The following SPEF2 variants were observed in gnomAD, a reference collection of about 807,000 sequenced individuals.
SPEF2 encodes sperm flagellar and cilia associated 2.
SPEF2 carries 187 observed loss-of-function variants against 224.6 expected under a neutral mutation model. The observed-to-expected ratio is 0.83, with a 90% CI of 0.74 to 0.94. The LOEUF (loss-of-function observed/expected upper bound fraction) is 0.94, where lower values mean the gene tolerates loss of function less well. SPEF2 is among the 40% of genes least tolerant of loss of function. The pLI is 0.00. For synonymous variants in SPEF2, 715 were observed against 707.3 expected, an observed-to-expected ratio of 1.01 and a Z score of -0.17; for missense variants, 2,170 against 2,135.6, an observed-to-expected ratio of 1.02 and a Z score of -0.32.
intron 10 of SPEF2, among the ~76,000 whole-genome samples, chr5:35,689,323 C>T (rs2149527216): frequency 6.6e-6 from 1 of 152,176 alleles, no homozygotes; most frequent in East Asian, 1.9e-4. Context: ...CCGCTTCCTG[C>T]TTTTATTAAA....
chr5:35,696,062 T>A (rs1225356237), intron 14 of SPEF2, among the ~76,000 whole-genome samples: 1 of 152,258 alleles, frequency 6.6e-6, no homozygotes, highest in Non-Finnish European at 1.5e-5. Context: ...GAGACCAAAT[T>A]CATTTCATCT....
chr5:35,770,712 C>T (rs770810890), intron 26 of SPEF2, among the ~76,000 whole-genome samples: 13 of 152,162 alleles, frequency 8.5e-5, no homozygotes, highest in Non-Finnish European at 1.6e-4. Flanking sequence ...AGTGCAGAGC[C>T]AGCCACAGAG....
intron 36 of SPEF2, among the ~76,000 whole-genome samples, chr5:35,809,956 T>C (rs147523921): frequency 1.4e-3 from 220 of 152,286 alleles, no homozygotes; most frequent in African/African-American, 5.1e-3. Flanking sequence ...TTTATATTGC[T>C]GATTACAAGT....
chr5:35,727,910 G>A, intron 21 of SPEF2, 87 bp downstream of exon 21: 14 of 1,413,272 alleles, frequency 9.9e-6, no homozygotes, highest in Non-Finnish European at 1.3e-5. Flanking sequence ...ACATCCTGAA[G>A]GCCTTTTACA....
At chr5:35,771,907 G>A in intron 27 of SPEF2, 151 bp downstream of exon 27, 2 of 1,002,862 alleles carry the variant, frequency 2.0e-6, no homozygotes, top group Non-Finnish European at 2.8e-6. Context: ...ATGATTTGTG[G>A]TGTTAGTGGC....
At chr5:35,625,987 T>C (rs1744183529) in intron 1 of SPEF2, among the ~76,000 whole-genome samples, 2 of 152,192 alleles carry the variant, frequency 1.3e-5, no homozygotes, top group Non-Finnish European at 2.9e-5. Context: ...AATCTTCATT[T>C]TAGTAGCATC....
intron 17 of SPEF2, 79 bp downstream of exon 17, chr5:35,704,741 C>T: frequency 1.2e-6 from 1 of 828,332 alleles, no homozygotes; most frequent in Non-Finnish European, 2.0e-6. Context: ...ATCATCAGAT[C>T]TAGAAGAATA....
intron 23 of SPEF2, among the ~76,000 whole-genome samples, chr5:35,750,794 T>A (rs1456018401): frequency 6.6e-6 from 1 of 151,658 alleles, no homozygotes; most frequent in Non-Finnish European, 1.5e-5. Flanking sequence ...TGGAGATTCC[T>A]TTAAGAACTA....
intron 36 of SPEF2, among the ~76,000 whole-genome samples, chr5:35,808,656 A>G (rs928073337): frequency 6.6e-6 from 1 of 151,380 alleles, no homozygotes; most frequent in Non-Finnish European, 1.5e-5. Context: ...TATATCATAG[A>G]TGGACATTTG....
At chr5:35,697,921 T>C in intron 15 of SPEF2, 128 bp downstream of exon 15, 1 of 611,236 alleles carries the variant, frequency 1.6e-6, no homozygotes, top group Non-Finnish European at 2.7e-6. Context: ...TATGAAAATA[T>C]ACAGCAATGA....
At chr5:35,757,080 TAAA>T (rs1312905920) in intron 24 of SPEF2, among the ~76,000 whole-genome samples, 1 of 152,070 alleles carries the variant, frequency 6.6e-6, no homozygotes, top group Non-Finnish European at 1.5e-5. Flanking sequence ...TAATAACTAT[TAAA>T]AATATTGTTT....
At position 35,644,402 on chromosome 5, in the gene SPEF2, G is replaced by A; in HGVS notation, c.462G>A (p.Arg154=). The change falls in exon 4 of 37, where the codon CGG becomes CGA. Residue 154 remains arginine (R), a synonymous_variant. Coordinates refer to ENST00000356031, the MANE Select transcript of SPEF2 (RefSeq NM_024867.4). ...GTCAAACTGATTTCAATCTGATGCG[G>A]ATTACATACAGGTTTCAAGAAAAAT... ...IPRQTDFNLM[R]ITYRFQEKYK... The A allele has an allele frequency of 1.2e-6, 2 of 1,607,786 alleles. No homozygotes were observed. The highest frequency in any genetic ancestry group is 1.7e-6 in the Non-Finnish European group (2 of 1,176,976).
intron 10 of SPEF2, among the ~76,000 whole-genome samples, chr5:35,673,035 G>A (rs1751402436): frequency 6.6e-6 from 1 of 152,100 alleles, no homozygotes; most frequent in Non-Finnish European, 1.5e-5. Context: ...GAATGTGAGG[G>A]AGCTCTACCC....
At chr5:35,704,707 A>G in intron 17 of SPEF2, 45 bp downstream of exon 17, 1 of 1,127,874 alleles carries the variant, frequency 8.9e-7, no homozygotes, top group Non-Finnish European at 1.3e-6. Context: ...CATGCTTTTT[A>G]AATAGATTGA....
intron 23 of SPEF2, among the ~76,000 whole-genome samples, chr5:35,748,618 A>G (rs1053936527): frequency 6.6e-6 from 1 of 152,194 alleles, no homozygotes; most frequent in African/African-American, 2.4e-5. Flanking sequence ...CCTAGCTTAA[A>G]TCAAGAAGAA....
At chr5:35,713,918 TATATATA>T (rs1214880431) in intron 20 of SPEF2, among the ~76,000 whole-genome samples, 1 of 107,552 alleles carries the variant, frequency 9.3e-6, no homozygotes, top group African/African-American at 3.7e-5. Flanking sequence ...TTATATATTT[TATATATA>T]GTATATATGT....
chr5:35,659,048 C>A lies in SPEF2; in HGVS notation c.1008C>A (p.Asn336Lys). 6.3e-7 allele frequency: 1 copy of A among 1,581,568 alleles called. No homozygotes were observed. Among genetic ancestry groups the A allele is most frequent in the Non-Finnish European group, 8.6e-7 (1 of 1,160,484 alleles). ...EEAYREEQLINRLMRQSQQER... is the reference protein window; with the variant it reads ...EEAYREEQLIKRLMRQSQQER... ...CTTATCGGGAGGAACAGCTGATTAA[C>A]CGGCTGATGCGGCAGTCCCAGCAGG... The change falls in exon 8 of 37, where the codon AAC (asparagine) becomes AAA (lysine). Residue 336 changes from asparagine (N) to lysine (K), a missense_variant. By Grantham distance (94) the Asn-to-Lys change is moderately conservative. Transcript: ENST00000356031.
At position 35,789,668 on chromosome 5, in the gene SPEF2, T is replaced by C. The variant is rs1561368848; in HGVS notation, c.4448-2672T>C. ...AAAATGTGGTGAGGGCTACCGTGAT[T>C]GGAAGTTTTAAATTGTGGCCCACAA... On this transcript the variant is annotated intron_variant, in intron 30 of 36. Coordinates refer to ENST00000356031, the MANE Select transcript of SPEF2 (RefSeq NM_024867.4). 4.7e-6 allele frequency: 3 copies of C among 636,792 alleles called. No individual in the cohort carries two copies. In the East Asian group the frequency reaches 8.1e-5, roughly 17 times the overall value. 39.4% of individuals were successfully genotyped at this position (636,792 alleles called of 1,614,324 possible). A position where few individuals can be genotyped will look rare whatever the true frequency, so the allele number is the denominator to read the frequency against.
chr5:35,750,092 A>G (rs745857127), intron 23 of SPEF2, among the ~76,000 whole-genome samples: 1 of 152,170 alleles, frequency 6.6e-6, no homozygotes, highest in African/African-American at 2.4e-5. Flanking sequence ...AAACAATAAC[A>G]TAAGTTGGGG....
Sources: allele counts gnomAD v4.1 joint callset (sites outside exome capture counted in the v4.1 genomes callset), GRCh38; gene constraint gnomAD v4.1.1; transcripts MANE v1.5; gene names NCBI Gene and HGNC (gene_info 2026-07-23, HGNC 2026-07-21).